The following TTLL11 variants were observed in gnomAD, a reference collection of about 807,000 sequenced individuals.
The protein encoded by TTLL11 is tubulin polyglutamylase TTLL11.
In TTLL11, 42 loss-of-function variants were observed where a neutral mutation model predicts 51.7. The ratio of observed to expected loss-of-function variants is 0.81; its 90% confidence interval spans 0.64 to 1.05. The LOEUF (loss-of-function observed/expected upper bound fraction) is 1.05, where lower values mean the gene tolerates loss of function less well. Among genes scored for constraint, TTLL11 ranks in the 50% least tolerant of loss-of-function variants. TTLL11 has a pLI of 0.00. For missense variants in TTLL11, 799 were observed against 940.4 expected (o/e 0.85, Z 1.97); for synonymous variants, 381 against 383.5 (o/e 0.99, Z 0.08).
intron 1 of TTLL11, among the ~76,000 whole-genome samples, chr9:122,063,871 T>C (rs1845499728): frequency 6.6e-6 from 1 of 152,204 alleles, no homozygotes; most frequent in Non-Finnish European, 1.5e-5. Context: ...TTTGCCAATG[T>C]ATGGAAGGAA....
intron 4 of TTLL11, among the ~76,000 whole-genome samples, chr9:121,981,238 CTTT>C (rs200327046): frequency 6.6e-6 from 1 of 151,272 alleles, no homozygotes; most frequent in African/African-American, 2.4e-5. Flanking sequence ...AGGGTCTGTT[CTTT>C]TTTTTCCTTG....
rs542633210 is a variant in TTLL11 at position 121,981,926 on chromosome 9, C to T, written c.1270-6947G>A. ...TGGAAATGGTTTAGCTTATCAGTCC[C>T]CCAGTTATTCTTTGTCCAGCTTTGT... On this transcript the variant is annotated intron_variant, in intron 4 of 8. Coordinates refer to ENST00000321582, the MANE Select transcript of TTLL11 (RefSeq NM_001139442.2). Among the ~76,000 whole-genome samples, 21 of 152,278 alleles carry T rather than the reference C, an allele frequency of 1.4e-4. No individual in the cohort carries two copies. The South Asian group carries it at 3.1e-3, about 23-fold the overall frequency.
intron 8 of TTLL11, among the ~76,000 whole-genome samples, chr9:121,826,885 A>G (rs1011911085): frequency 2.0e-5 from 3 of 151,870 alleles, no homozygotes; most frequent in Admixed American, 2.0e-4. Flanking sequence ...GAGAGCAGGG[A>G]CCTGTGGGGC....
At chr9:121,919,060 C>T (rs1179658272) in intron 6 of TTLL11, among the ~76,000 whole-genome samples, 1 of 152,136 alleles carries the variant, frequency 6.6e-6, no homozygotes, top group Non-Finnish European at 1.5e-5. Context: ...TCTATGACAA[C>T]ACACTGAGCA....
chr9:122,091,520 CT>C lies in TTLL11; in HGVS notation c.462+1166del, dbSNP rs376944016. 3.0e-3 allele frequency among the ~76,000 whole-genome samples: 454 copies of C among 152,264 alleles called. 3 individuals are homozygous for C. Among genetic ancestry groups the C allele is most frequent in the African/African-American group, 0.01 (434 of 41,548 alleles). On this transcript the variant is annotated intron_variant, in intron 1 of 8. Coordinates refer to ENST00000321582, the MANE Select transcript of TTLL11 (RefSeq NM_001139442.2). ...GAAGTCGGTTCTGCCTGATCCTTGA[CT>C]TCCCTCCAAACCAAATGCACTTTTT...
intron 6 of TTLL11, among the ~76,000 whole-genome samples, chr9:121,875,877 G>C (rs1838544287): frequency 6.6e-6 from 1 of 152,100 alleles, no homozygotes; most frequent in African/African-American, 2.4e-5. Flanking sequence ...TTATCTATTA[G>C]CATTTTTCAA....
intron 1 of TTLL11, among the ~76,000 whole-genome samples, chr9:122,057,271 T>C (rs1325634558): frequency 3.4e-5 from 5 of 147,958 alleles, no homozygotes; most frequent in Admixed American, 6.7e-5. Flanking sequence ...CAGGGAAAAA[T>C]AGAAAATAGA....
intron 6 of TTLL11, among the ~76,000 whole-genome samples, chr9:121,925,411 G>A (rs1313903290): frequency 6.6e-6 from 1 of 152,280 alleles, no homozygotes; most frequent in African/African-American, 2.4e-5. Flanking sequence ...CATCTCGCCA[G>A]CCTTCCAGCT....
chr9:121,883,541 T>A (rs1373423484), intron 6 of TTLL11, among the ~76,000 whole-genome samples: 1 of 152,194 alleles, frequency 6.6e-6, no homozygotes, highest in South Asian at 2.1e-4. Context: ...TTAGATTTTT[T>A]AAAGAATCTG....
chr9:121,868,740 CCT>C (rs1286723580), intron 7 of TTLL11, among the ~76,000 whole-genome samples: 1 of 152,172 alleles, frequency 6.6e-6, no homozygotes, highest in Non-Finnish European at 1.5e-5. Flanking sequence ...TAGATGGTTC[CCT>C]GTTACTGAAA....
chr9:122,039,483 A>G, intron 1 of TTLL11, 115 bp from the exon 2 acceptor site: 2 of 696,456 alleles, frequency 2.9e-6, no homozygotes, highest in South Asian at 3.5e-5. Context: ...TTTAATCCTT[A>G]TAATACGCAT....
In TTLL11 at chr9:121,989,630, T is replaced by C. The variant is rs770656358; in HGVS notation, c.834A>G (p.Pro278=). Residue 278 remains proline, a synonymous_variant, in exon 4 of 9, where the codon CCA becomes CCG. Transcript: ENST00000321582. This position sits in a 1 kb window ranked among gnomAD's most constrained non-coding sequence, Gnocchi z 4.2. ...TGCAGATGTACTCCTGGACCACCGC[T>C]GGCCTGCTCTGGAGGGTCCCTGCCA... The part of the protein sequence containing the change: ...IRLAGTLQSR[P]AVVQEYICKP... The C allele has an allele frequency of 3.7e-6, 6 of 1,614,064 alleles. No individual in the cohort carries two copies. In the South Asian group the frequency reaches 6.6e-5, roughly 18 times the overall value.
intron 2 of TTLL11, among the ~76,000 whole-genome samples, chr9:122,038,442 C>T (rs577443461): frequency 4.2e-4 from 64 of 152,124 alleles, no homozygotes; most frequent in African/African-American, 1.4e-3. Flanking sequence ...GTCAGGAGTT[C>T]GAGACCAGCC....
chr9:121,964,932 C>T (rs1842357546), intron 6 of TTLL11, among the ~76,000 whole-genome samples: 1 of 152,184 alleles, frequency 6.6e-6, no homozygotes, highest in Non-Finnish European at 1.5e-5. Flanking sequence ...GCACATTCCA[C>T]CTTACAGATA....
At chr9:121,870,438 T>G in intron 7 of TTLL11, 59 bp downstream of exon 7, 1 of 1,510,570 alleles carries the variant, frequency 6.6e-7, no homozygotes, top group Non-Finnish European at 8.9e-7. Context: ...GCCAGCCAGA[T>G]GTGAGACTGG....
In TTLL11 at chr9:121,826,207, T is replaced by C. The variant is rs1478843418; in HGVS notation, c.1841-3328A>G. Among the ~76,000 whole-genome samples the C allele has an allele frequency of 1.5e-4, 17 of 114,848 alleles. 3 individuals are homozygous for C. Among genetic ancestry groups the C allele is most frequent in the Non-Finnish European group, 2.2e-4 (13 of 58,368 alleles). The allele number at this position is 114,848 out of a possible 152,430, so 75.3% of individuals were successfully genotyped here. On this transcript the variant is annotated intron_variant, in intron 8 of 8. Transcript: ENST00000321582. ...ACCTATATATATATATATATATATATATATATATATGCACACATATATATA... is the reference window on the plus strand; with the variant it reads ...ACCTATATATATATATATATATATACATATATATATGCACACATATATATA...
rs1838320436 is a variant in TTLL11 at position 121,870,485 on chromosome 9, G to T, written c.1733+12C>A. ...CCCAAAGCCCAAGCCAGAGGGGGCT[G>T]TTCTCACTGACCTTATGAAGGTACG... On this transcript the variant is annotated intron_variant, in intron 7 of 8. Transcript: ENST00000321582. 6.5e-7 allele frequency: 1 copy of T among 1,550,262 alleles called. No individual in the cohort carries two copies.
rs761494657 is a variant in TTLL11 at position 121,995,164 on chromosome 9, G to A, written c.694-5394C>T. Among the ~76,000 whole-genome samples, 15 of 152,170 alleles carry A rather than the reference G, an allele frequency of 9.9e-5. No homozygotes were observed. Among genetic ancestry groups the A allele is most frequent in the Admixed American group, 2.6e-4 (4 of 15,274 alleles). On this transcript the variant is annotated intron_variant, in intron 3 of 8. Coordinates refer to ENST00000321582, the MANE Select transcript of TTLL11 (RefSeq NM_001139442.2). The surrounding 1 kb of genome is among the most constrained non-coding windows in gnomAD (Gnocchi z 4.4). ...GCCCCCAAGGATGGCCAAGGCCCTCGCAATGGGCCAGATTATCCAGAGACA... is the reference window on the plus strand; with the variant it reads ...GCCCCCAAGGATGGCCAAGGCCCTCACAATGGGCCAGATTATCCAGAGACA...
At chr9:121,990,489 C>CG (rs1425327751) in intron 3 of TTLL11, among the ~76,000 whole-genome samples, 1 of 152,166 alleles carries the variant, frequency 6.6e-6, no homozygotes, top group African/African-American at 2.4e-5. Flanking sequence ...CCAGCTAACG[C>CG]GGGGGCAGAA....
Sources: gnomAD v4.1 joint callset for allele counts (sites outside exome capture counted in the v4.1 genomes callset) on GRCh38, gnomAD v4.1.1 for gene constraint, Gnocchi (gnomAD v3.1) non-coding constraint, MANE v1.5 for transcripts, NCBI Gene and HGNC (gene_info 2026-07-23, HGNC 2026-07-21) for gene names.